SLCO6A1: variants seen among roughly 807,000 people sequenced by gnomAD.
SLCO6A1 encodes solute carrier organic anion transporter family member 6A1.
SLCO6A1 carries 65 observed loss-of-function variants against 72.7 expected under a neutral mutation model. That is an observed-to-expected ratio of 0.89 (90% CI 0.73 to 1.10). The LOEUF is 1.10. Among genes scored for constraint, SLCO6A1 ranks in the 50% least tolerant of loss-of-function variants. The pLI, the probability that SLCO6A1 is intolerant of heterozygous loss-of-function variation, is 0.00. For synonymous variants in SLCO6A1, 314 were observed against 298.2 expected (o/e 1.05, Z -0.55); for missense variants, 874 against 872.6 (o/e 1.00, Z -0.02).
chr5:102,445,838 T>G (rs1320492698), intron 6 of SLCO6A1, among the ~76,000 whole-genome samples: 1 of 152,254 alleles, frequency 6.6e-6, no homozygotes, highest in African/African-American at 2.4e-5. Flanking sequence ...ATTTGCCTAT[T>G]GCTTGTTTTT....
intron 10 of SLCO6A1, among the ~76,000 whole-genome samples, chr5:102,391,848 T>C (rs1292720382): frequency 1.0e-5 from 1 of 95,264 alleles, no homozygotes; most frequent in Non-Finnish European, 2.4e-5. Context: ...AAATAACTTT[T>C]CCAAATATAA....
intron 2 of SLCO6A1, 134 bp from the exon 3 acceptor site, chr5:102,477,995 C>T: frequency 1.2e-6 from 1 of 824,956 alleles, no homozygotes. Context: ...ATTTCATTTA[C>T]ATTGAATGTA....
At chr5:102,451,103 T>C (rs1176242384) in intron 6 of SLCO6A1, among the ~76,000 whole-genome samples, 2 of 152,114 alleles carry the variant, frequency 1.3e-5, no homozygotes, top group African/African-American at 2.4e-5. Flanking sequence ...CAGGATTCCA[T>C]GTGGAAAACA....
intron 1 of SLCO6A1, among the ~76,000 whole-genome samples, chr5:102,491,557 G>A (rs114849971): frequency 0.022 from 3,339 of 152,338 alleles, 42 homozygotes; most frequent in African/African-American, 0.033. Flanking sequence ...CTAAGGCCCC[G>A]CGAGAAATTG....
At chr5:102,456,809 A>T (rs559278586) in intron 6 of SLCO6A1, among the ~76,000 whole-genome samples, 26 of 152,336 alleles carry the variant, frequency 1.7e-4, no homozygotes, top group Non-Finnish European at 5.9e-5. Flanking sequence ...ATCCTAAGCC[A>T]AAAGAACAAA....
intron 3 of SLCO6A1, among the ~76,000 whole-genome samples, chr5:102,476,874 C>A (rs1203240773): frequency 1.3e-5 from 2 of 151,826 alleles, no homozygotes; most frequent in Non-Finnish European, 2.9e-5. Flanking sequence ...AATTTATTTT[C>A]AAAAGTGATA....
chr5:102,441,173 C>T (rs933932691), intron 6 of SLCO6A1, among the ~76,000 whole-genome samples: 9 of 152,064 alleles, frequency 5.9e-5, no homozygotes, highest in Admixed American at 4.6e-4. Context: ...TTAACATTTT[C>T]CCACCTCTAT....
intron 1 of SLCO6A1, among the ~76,000 whole-genome samples, chr5:102,483,395 A>G (rs1752303309): frequency 6.6e-6 from 1 of 152,146 alleles, no homozygotes; most frequent in African/African-American, 2.4e-5. Context: ...GCATACTTCT[A>G]CCATTGAAAA....
chr5:102,399,207 A>C (rs185612460), intron 10 of SLCO6A1, among the ~76,000 whole-genome samples: 9 of 152,264 alleles, frequency 5.9e-5, no homozygotes, highest in Admixed American at 5.2e-4. Flanking sequence ...ATGGATGTAA[A>C]TAGTTAATAA....
At chr5:102,434,290 A>T (rs1477655595) in intron 7 of SLCO6A1, among the ~76,000 whole-genome samples, 1 of 152,092 alleles carries the variant, frequency 6.6e-6, no homozygotes, top group Non-Finnish European at 1.5e-5. Flanking sequence ...TCCCCTCTGG[A>T]CACTCTTTAT....
intron 6 of SLCO6A1, among the ~76,000 whole-genome samples, chr5:102,455,928 CTG>C: frequency 6.6e-6 from 1 of 152,272 alleles, no homozygotes; most frequent in South Asian, 2.1e-4. Flanking sequence ...GGCTTCATCC[CTG>C]GGATGCAAGG....
intron 9 of SLCO6A1, among the ~76,000 whole-genome samples, chr5:102,403,353 A>G (rs1395281314): frequency 1.3e-5 from 2 of 152,152 alleles, no homozygotes; most frequent in East Asian, 1.9e-4. Flanking sequence ...AAATTTTGTT[A>G]CTTTTCATTA....
chr5:102,425,265 C>G (rs7736579), intron 7 of SLCO6A1, among the ~76,000 whole-genome samples: 97,173 of 151,958 alleles, frequency 0.64, 31,256 homozygotes, highest in African/African-American at 0.66. Context: ...GGAAATTCTG[C>G]CCAGGGTGAT....
At chr5:102,389,229 T>C (rs1440222646) in intron 11 of SLCO6A1, among the ~76,000 whole-genome samples, 1 of 151,898 alleles carries the variant, frequency 6.6e-6, no homozygotes, top group African/African-American at 2.4e-5. Context: ...GAAAAATGAG[T>C]TTGCAAATGT....
chr5:102,395,997 T>C (rs1747056876), intron 10 of SLCO6A1, among the ~76,000 whole-genome samples: 1 of 152,064 alleles, frequency 6.6e-6, no homozygotes, highest in Non-Finnish European at 1.5e-5. Context: ...AGGTTGCCTG[T>C]TCACTCTGAT....
intron 4 of SLCO6A1, among the ~76,000 whole-genome samples, chr5:102,473,359 T>C (rs1027383900): frequency 6.6e-6 from 1 of 151,966 alleles, no homozygotes; most frequent in Non-Finnish European, 1.5e-5. Context: ...ATTAACATAA[T>C]AGAGAAAAAC....
At chr5:102,387,298 C>T (rs1023291010) in intron 12 of SLCO6A1, among the ~76,000 whole-genome samples, 1 of 152,080 alleles carries the variant, frequency 6.6e-6, no homozygotes, top group African/African-American at 2.4e-5. Context: ...TCTATCTTTG[C>T]CTTTTCTATT....
intron 1 of SLCO6A1, among the ~76,000 whole-genome samples, chr5:102,493,263 G>T (rs756832567): frequency 4.6e-5 from 7 of 152,050 alleles, no homozygotes; most frequent in African/African-American, 7.2e-5. Flanking sequence ...CAAAATTTTG[G>T]CAAATTAAGT....
rs1356704703 is a variant in SLCO6A1, at chr5:102,419,930, T to C, written c.1368A>G (p.Arg456=). Reference sequence around the variant, plus strand: ...ATATCACAGATGTAACCATTATAAATCTCATAAGGGCTTTACAAGACATTT... The same window carrying C: ...ATATCACAGATGTAACCATTATAAACCTCATAAGGGCTTTACAAGACATTT... ...TLEMSCKALM[R]FIMVTSVISL... is the part of the protein sequence containing the mutation. Residue 456 remains arginine, a synonymous_variant, in exon 8 of 14, where the codon AGA becomes AGG. Coordinates refer to ENST00000506729, the MANE Select transcript of SLCO6A1 (RefSeq NM_173488.5). The C allele has an allele frequency of 5.6e-6, 9 of 1,609,248 alleles. No homozygotes were observed. Among genetic ancestry groups the C allele is most frequent in the African/African-American group, 2.7e-5 (2 of 74,652 alleles).
Sources: allele counts gnomAD v4.1 joint callset (sites outside exome capture counted in the v4.1 genomes callset), GRCh38; gene constraint gnomAD v4.1.1; transcripts MANE v1.5; gene names NCBI Gene and HGNC (gene_info 2026-07-23, HGNC 2026-07-21).